Variants in HEMGN observed in about 807,000 individuals in gnomAD.
HEMGN encodes hemogen.
In HEMGN, 32 loss-of-function variants were observed where a neutral mutation model predicts 45.7. The ratio of observed to expected loss-of-function variants is 0.70; its 90% CI spans 0.53 to 0.94. The LOEUF is 0.94. HEMGN is among the 40% of genes least tolerant of loss of function. The pLI is 0.00. For synonymous variants in HEMGN, 183 were observed against 178.6 expected (o/e 1.02, Z -0.20); for missense variants, 530 against 564.2 (o/e 0.94, Z 0.61).
Position 97,930,438 on chromosome 9 carries a change from A to G in HEMGN, c.957T>C (p.Ala319=), listed in dbSNP as rs749600167. The change falls in exon 3 of 4, where the codon GCT becomes GCC. Residue 319 remains alanine (A), a synonymous_variant. Transcript: ENST00000616898. The part of the protein sequence containing the change: ...DLSTKTHQES[A]EPKYLPHKTC... ...TTTTATGAGGAAGGTATTTAGGTTC[A>G]GCTGATTCTTGGTGTGTTTTTGTAG... The G allele has an allele frequency of 1.9e-6, 3 of 1,614,142 alleles. No individual in the cohort carries two copies. Among genetic ancestry groups the G allele is most frequent in the Non-Finnish European group, 2.5e-6 (3 of 1,180,008 alleles).
upstream of HEMGN, among the ~76,000 whole-genome samples, chr9:97,942,839 CAAGACGGGGTAA>C (rs944915327): frequency 1.3e-5 from 2 of 152,128 alleles, no homozygotes; most frequent in Non-Finnish European, 2.9e-5. Context: ...TAGTCAAAAA[CAAGACGGGGTAA>C]AAGTGCCCCA....
At chr9:97,937,552 ATTT>A (rs1827085686) in intron 1 of HEMGN, among the ~76,000 whole-genome samples, 1 of 151,918 alleles carries the variant, frequency 6.6e-6, no homozygotes, top group South Asian at 2.1e-4. Context: ...CTATATAATA[ATTT>A]TTTATTTTGA....
At chr9:97,934,540 A>G (rs981616283) in intron 2 of HEMGN, among the ~76,000 whole-genome samples, 6 of 151,802 alleles carry the variant, frequency 4.0e-5, no homozygotes, top group Non-Finnish European at 7.4e-5. Flanking sequence ...GAAGCCAAGT[A>G]ATGATTGGAA....
chr9:97,938,103 G>C lies in HEMGN; in HGVS notation c.34C>G (p.His12Asp), dbSNP rs1327599004. ...TGATGAGGGTCAGGTGTCTGATGGTGCTTCAAATGAGATTGGTCCTTTCCC... is the reference window on the plus strand; with the variant it reads ...TGATGAGGGTCAGGTGTCTGATGGTCCTTCAAATGAGATTGGTCCTTTCCC... ...DLGKDQSHLK[H>D]HQTPDPHQEE... Residue 12 changes from histidine (H) to aspartate (D), a missense_variant, in exon 1 of 4, where the codon CAC becomes GAC. By Grantham distance (81) the His-to-Asp change is moderately conservative. Coordinates refer to ENST00000616898, the MANE Select transcript of HEMGN (RefSeq NM_197978.3). 6.2e-7 allele frequency: 1 copy of C among 1,612,674 alleles called. No homozygotes were observed. Among genetic ancestry groups the C allele is most frequent in the Non-Finnish European group, 8.5e-7 (1 of 1,179,294 alleles).
chr9:97,927,380 A>G lies in HEMGN; in HGVS notation c.*4T>C, dbSNP rs773953644. ...TTGGACCACAACTTTATGGTTGAGC[A>G]TTGTTAAAACAAAACATAACTATAG... On this transcript the variant is annotated 3_prime_UTR_variant, in exon 4 of 4. Transcript: ENST00000616898. The G allele has an allele frequency of 3.2e-6, 5 of 1,542,032 alleles. No homozygotes were observed. Among genetic ancestry groups the G allele is most frequent in the Admixed American group, 3.4e-5 (2 of 58,996 alleles).
At chr9:97,933,163 T>C (rs1310578841) in intron 2 of HEMGN, among the ~76,000 whole-genome samples, 4 of 152,192 alleles carry the variant, frequency 2.6e-5, no homozygotes, top group Non-Finnish European at 5.9e-5. Flanking sequence ...GGTTTCCTTG[T>C]AAGTGAAATG....
At position 97,931,141 on chromosome 9, in the gene HEMGN, T is replaced by C; in HGVS notation, c.254A>G (p.Lys85Arg). ...TTCTATCTGTGGCTGAGGCTCCACC[T>C]TCAATTCTGTGTTTTGTTGTCTCTT... ...GRKRQQNTEL[K>R]VEPQPQIEKE... Residue 85 changes from lysine to arginine, a missense_variant, in exon 3 of 4, where the codon AAG becomes AGG. Coordinates refer to ENST00000616898, the MANE Select transcript of HEMGN (RefSeq NM_197978.3). 1 of 1,614,092 alleles carries C rather than the reference T, an allele frequency of 6.2e-7. No individual in the cohort carries two copies. Among genetic ancestry groups the C allele is most frequent in the Non-Finnish European group, 8.5e-7 (1 of 1,180,028 alleles).
intron 1 of HEMGN, among the ~76,000 whole-genome samples, chr9:97,936,635 T>C (rs1267482579): frequency 1.3e-5 from 2 of 152,226 alleles, no homozygotes; most frequent in Non-Finnish European, 2.9e-5. Context: ...GTCTTTATAT[T>C]ACACAAAGTT....
chr9:97,927,898 ATTATAT>A (rs749426034), intron 3 of HEMGN, among the ~76,000 whole-genome samples: 5 of 152,166 alleles, frequency 3.3e-5, no homozygotes, highest in South Asian at 2.1e-4. Context: ...TTCTTAAAAA[ATTATAT>A]TTATAATAAT....
At chr9:97,941,415 T>G (rs1163717699), upstream of HEMGN, among the ~76,000 whole-genome samples, 2 of 151,988 alleles carry the variant, frequency 1.3e-5, no homozygotes, top group Non-Finnish European at 2.9e-5. Flanking sequence ...GACAGAGGAG[T>G]GATACGATCT....
chr9:97,934,159 C>A (rs1317533321), intron 2 of HEMGN, among the ~76,000 whole-genome samples: 1 of 152,062 alleles, frequency 6.6e-6, no homozygotes, highest in Non-Finnish European at 1.5e-5. Flanking sequence ...CCAGCCTGGC[C>A]ATCATGGCGA....
At chr9:97,943,141 A>G (rs114552051), upstream of HEMGN, among the ~76,000 whole-genome samples, 311 of 152,330 alleles carry the variant, frequency 2.0e-3, no homozygotes, top group African/African-American at 7.3e-3. Context: ...TTCTGTGAGG[A>G]TAAAAGAGAT....
intron 1 of HEMGN, among the ~76,000 whole-genome samples, chr9:97,944,272 C>T (rs1827192237): frequency 6.6e-6 from 1 of 152,156 alleles, no homozygotes; most frequent in Non-Finnish European, 1.5e-5. Context: ...ATATATGTTC[C>T]CCCCTAAAAC....
chr9:97,933,188 G>A (rs893709788), intron 2 of HEMGN, among the ~76,000 whole-genome samples: 12 of 151,934 alleles, frequency 7.9e-5, no homozygotes, highest in African/African-American at 2.7e-4. Context: ...AAATAATATC[G>A]GCCCAATTTC....
chr9:97,940,026 T>C (rs2131558788), upstream of HEMGN, among the ~76,000 whole-genome samples: 1 of 152,360 alleles, frequency 6.6e-6, no homozygotes, highest in South Asian at 2.1e-4. Flanking sequence ...TTAGTTGATA[T>C]GTTTTAATTC....
chr9:97,931,358 T>A, intron 2 of HEMGN, 137 bp from the exon 3 acceptor site: 1 of 631,536 alleles, frequency 1.6e-6, no homozygotes, highest in Non-Finnish European at 2.7e-6. Flanking sequence ...TGGGCCTCAA[T>A]CTCCTTGTTT....
rs1826849294 is a variant in HEMGN at position 97,927,461 on chromosome 9, T to G, written c.1378A>C (p.Lys460Gln). 1 of 1,606,104 alleles carries G rather than the reference T, an allele frequency of 6.2e-7. No individual in the cohort carries two copies. Among genetic ancestry groups the G allele is most frequent in the East Asian group, 2.2e-5 (1 of 44,740 alleles). The change falls in exon 4 of 4, where the codon AAA becomes CAA. Residue 460 changes from lysine (K) to glutamine (Q), a missense_variant. Lys to Gln is a moderately conservative substitution (Grantham distance 53). Coordinates refer to ENST00000616898, the MANE Select transcript of HEMGN (RefSeq NM_197978.3). ...ATTGCTGGTATTCCTGGCTCTTCTT[T>G]GGGTTTTTCTTTCATTTCTGTAAAA... ...TFPQEMKEKP[K>Q]EEPGIPAILN...
chr9:97,937,681 A>G (rs1233940736), intron 1 of HEMGN, among the ~76,000 whole-genome samples: 2 of 151,574 alleles, frequency 1.3e-5, no homozygotes, highest in African/African-American at 2.4e-5. Flanking sequence ...AAAGAGATCC[A>G]TGTAGCAAAA....
upstream of HEMGN, among the ~76,000 whole-genome samples, chr9:97,941,847 C>T (rs1827158008): frequency 6.6e-6 from 1 of 152,166 alleles, no homozygotes; most frequent in African/African-American, 2.4e-5. Context: ...GACTAATCCA[C>T]TGTGTCAAAC....
Sources: gnomAD v4.1 joint callset for allele counts (sites outside exome capture counted in the v4.1 genomes callset) on GRCh38, gnomAD v4.1.1 for gene constraint, MANE v1.5 for transcripts, NCBI Gene and HGNC (gene_info 2026-07-23, HGNC 2026-07-21) for gene names.